CORO2A: variants seen among roughly 807,000 people sequenced by gnomAD.
CORO2A encodes the protein coronin 2A, also known as coronin-2A.
CORO2A carries 47 observed loss-of-function variants against 62.4 expected under a neutral mutation model. The ratio of observed to expected loss-of-function variants is 0.75; its 90% confidence interval spans 0.60 to 0.96. The LOEUF is 0.96. CORO2A is among the 40% of genes least tolerant of loss of function. The pLI, the probability that CORO2A is intolerant of heterozygous loss-of-function variation, is 0.00. For missense variants in CORO2A, 610 were observed against 684.1 expected (o/e 0.89, Z 1.21); for synonymous variants, 273 against 268.9 (o/e 1.02, Z -0.15).
At chr9:98,125,029 T>C (rs1255199236) in intron 11 of CORO2A, 124 bp from the exon 12 acceptor site, 13 of 1,039,474 alleles carry the variant, frequency 1.3e-5, no homozygotes, top group Non-Finnish European at 1.8e-5. Flanking sequence ...TGAGGCCTGA[T>C]GGGGCTGTCA....
At chr9:98,188,083 C>T (rs979650351) in intron 1 of CORO2A, among the ~76,000 whole-genome samples, 4 of 152,234 alleles carry the variant, frequency 2.6e-5, no homozygotes, top group African/African-American at 9.6e-5. Context: ...CGCCATCACT[C>T]TGTCCCAGCT....
chr9:98,181,344 T>A (rs2118932753), intron 1 of CORO2A, among the ~76,000 whole-genome samples: 1 of 149,428 alleles, frequency 6.7e-6, no homozygotes, highest in East Asian at 2.3e-4. Flanking sequence ...CTTTTTTTTT[T>A]TTTTTTTTTT....
intron 1 of CORO2A, among the ~76,000 whole-genome samples, chr9:98,189,902 T>G (rs943045257): frequency 1.3e-5 from 2 of 152,124 alleles, no homozygotes; most frequent in Non-Finnish European, 2.9e-5. Context: ...TTTTTTTTTT[T>G]GAGATGGAGT....
intron 1 of CORO2A, among the ~76,000 whole-genome samples, chr9:98,167,103 C>CAAAAAAAAAAAAAAA (rs35581733): frequency 1.0e-5 from 1 of 98,878 alleles, no homozygotes; most frequent in Non-Finnish European, 2.2e-5. Flanking sequence ...GATCCTGTCT[C>CAAAAAAAAAAAAAAA]AAAAAAAAAA....
intron 2 of CORO2A, among the ~76,000 whole-genome samples, chr9:98,140,329 C>G (rs1488438283): frequency 6.6e-6 from 1 of 152,142 alleles, no homozygotes; most frequent in Non-Finnish European, 1.5e-5. Flanking sequence ...TTTGCAGAAT[C>G]AATAGTCTTG....
chr9:98,131,078 C>A lies in CORO2A; in HGVS notation c.766-19G>T. 1 of 1,580,166 alleles carries A rather than the reference C, an allele frequency of 6.3e-7. No individual in the cohort carries two copies. Among genetic ancestry groups the A allele is most frequent in the Non-Finnish European group, 8.6e-7 (1 of 1,156,210 alleles). ...GGTTATCCTGCAGGGGAAGGGGAGG[C>A]AGGGAAGGCCTGGGTCACTCCTGGG... On this transcript the variant is annotated intron_variant, in intron 6 of 11. Coordinates refer to ENST00000375077, the MANE Select transcript of CORO2A (RefSeq NM_052820.4).
At chr9:98,178,299 G>A (rs1467008201) in intron 1 of CORO2A, among the ~76,000 whole-genome samples, 1 of 152,056 alleles carries the variant, frequency 6.6e-6, no homozygotes, top group Non-Finnish European at 1.5e-5. Flanking sequence ...CTCTCGCCTT[G>A]GCCTCCCAAA....
Position 98,128,203 on chromosome 9 carries a change from T to A in CORO2A, c.1138A>T (p.Thr380Ser), listed in dbSNP as rs1210009354. 1.9e-6 allele frequency: 3 copies of A among 1,613,384 alleles called. No individual in the cohort carries two copies. Among genetic ancestry groups the A allele is most frequent in the Non-Finnish European group, 2.5e-6 (3 of 1,179,712 alleles). ...ATCCCGCTGAGCCACTCCTGGGCCG[T>A]CAGGGAGGGCTGGGCCCCTGCTGTT... ...PPTAGAQPSL[T>S]AQEWLSGMNR... The change falls in exon 10 of 12, where the codon ACG becomes TCG. Residue 380 changes from threonine (T) to serine (S), a missense_variant. Transcript: ENST00000375077.
chr9:98,155,694 T>C (rs151033060), intron 2 of CORO2A, among the ~76,000 whole-genome samples: 1,797 of 152,318 alleles, frequency 0.012, 22 homozygotes, highest in African/African-American at 0.024. Flanking sequence ...TAAAGAACTA[T>C]TCAGGCTTTC....
chr9:98,191,841 G>A (rs1245568509), intron 1 of CORO2A, among the ~76,000 whole-genome samples: 1 of 152,218 alleles, frequency 6.6e-6, no homozygotes, highest in Non-Finnish European at 1.5e-5. Flanking sequence ...TCACACACTA[G>A]CTCTGGGACA....
intron 9 of CORO2A, 39 bp downstream of exon 9, chr9:98,128,568 T>C: frequency 6.4e-7 from 1 of 1,574,580 alleles, no homozygotes; most frequent in South Asian, 1.1e-5. Context: ...CCAGGACAGG[T>C]TCCCCACCTG....
At chr9:98,132,739 T>A (rs963847015) in intron 5 of CORO2A, among the ~76,000 whole-genome samples, 1 of 152,194 alleles carries the variant, frequency 6.6e-6, no homozygotes, top group African/African-American at 2.4e-5. Flanking sequence ...TCGGCTCTCC[T>A]GACCCCCTGG....
intron 2 of CORO2A, among the ~76,000 whole-genome samples, chr9:98,149,148 C>T (rs1467921950): frequency 6.6e-6 from 1 of 152,162 alleles, no homozygotes; most frequent in Non-Finnish European, 1.5e-5. Context: ...CACAGAATTG[C>T]ACTGTACTAT....
chr9:98,192,337 G>C (rs1828314911), intron 1 of CORO2A, among the ~76,000 whole-genome samples: 1 of 152,254 alleles, frequency 6.6e-6, no homozygotes, highest in Non-Finnish European at 1.5e-5. Flanking sequence ...CCCGCGAGAA[G>C]GGGGCCACCA....
chr9:98,189,881 T>G lies in CORO2A; in HGVS notation c.-1+2678A>C, dbSNP rs530905040. On this transcript the variant is annotated intron_variant, in intron 1 of 11. Transcript: ENST00000375077. ...GAACACTTCTTCACTAGACGGCAAC[T>G]CCTTTATTTTTTTTTTTTTTTGAGA... Among the ~76,000 whole-genome samples the G allele has an allele frequency of 4.8e-3, 440 of 92,422 alleles. 2 individuals are homozygous for G. The highest frequency in any genetic ancestry group is 6.9e-3 in the Non-Finnish European group (336 of 48,958). 60.6% of individuals were successfully genotyped at this position (92,422 alleles called of 152,430 possible).
chr9:98,158,367 C>T (rs1041110889), intron 1 of CORO2A, among the ~76,000 whole-genome samples: 2 of 152,326 alleles, frequency 1.3e-5, no homozygotes, highest in African/African-American at 4.8e-5. Flanking sequence ...TGTATTTAGA[C>T]CCCTTGGTGC....
intron 1 of CORO2A, among the ~76,000 whole-genome samples, chr9:98,173,916 A>G (rs577719594): frequency 6.6e-6 from 1 of 152,178 alleles, no homozygotes; most frequent in African/African-American, 2.4e-5. Flanking sequence ...CGGGAGTTCG[A>G]GACTAGCCTG....
chr9:98,157,662 T>C lies in CORO2A; in HGVS notation c.1-2A>G. ...CCGGTACTGGGGGTGCCATGACATCTGCAGGAGACAAATGGGACAAAGGGT... is the reference window on the plus strand; with the variant it reads ...CCGGTACTGGGGGTGCCATGACATCCGCAGGAGACAAATGGGACAAAGGGT... On this transcript the variant is annotated splice_acceptor_variant, in intron 1 of 11. Transcript: ENST00000375077. LOFTEE classifies it low-confidence loss of function (5UTR_SPLICE). 2 of 1,611,462 alleles carry C rather than the reference T, an allele frequency of 1.2e-6. No individual in the cohort carries two copies. Among genetic ancestry groups the C allele is most frequent in the Non-Finnish European group, 1.7e-6 (2 of 1,178,440 alleles).
intron 10 of CORO2A, among the ~76,000 whole-genome samples, chr9:98,127,104 C>A (rs1827332797): frequency 6.6e-6 from 1 of 152,226 alleles, no homozygotes; most frequent in South Asian, 2.1e-4. Context: ...TCACATGAGA[C>A]CTTGCCCTTG....
Sources: allele counts gnomAD v4.1 joint callset (sites outside exome capture counted in the v4.1 genomes callset), GRCh38; gene constraint gnomAD v4.1.1; transcripts MANE v1.5; gene names NCBI Gene and HGNC (gene_info 2026-07-23, HGNC 2026-07-21).